PRKCZ: variants seen among roughly 807,000 people sequenced by gnomAD.
PRKCZ encodes protein kinase C zeta, also known as protein kinase C zeta type.
In PRKCZ, 33 loss-of-function variants were observed where a neutral mutation model predicts 79.5. That is an observed-to-expected ratio of 0.41 (90% CI 0.31 to 0.55). The LOEUF is 0.55. PRKCZ is among the 20% of genes least tolerant of loss of function. PRKCZ has a pLI of 0.19. For synonymous variants in PRKCZ, 342 were observed against 320.9 expected, an observed-to-expected ratio of 1.07 and a Z score of -0.70; for missense variants, 578 against 813.5, an observed-to-expected ratio of 0.71 and a Z score of 3.52.
chr1:2,124,387 G>A (rs560503169), intron 4 of PRKCZ, among the ~76,000 whole-genome samples: 2,444 of 120,236 alleles, frequency 0.02, 573 homozygotes, highest in Middle Eastern at 0.058. Context: ...TTAGGGTCAC[G>A]GCGGTGGTTA....
At chr1:2,073,064 C>T (rs994778748) in intron 4 of PRKCZ, among the ~76,000 whole-genome samples, 4 of 152,144 alleles carry the variant, frequency 2.6e-5, no homozygotes, top group Admixed American at 6.5e-5. Context: ...GGCCACCCAG[C>T]GGCGGTGGCG....
Position 2,174,837 on chromosome 1 carries a change from C to T in PRKCZ, c.1485+4C>T, listed in dbSNP as rs746890838. 6.2e-6 allele frequency: 10 copies of T among 1,612,942 alleles called. No homozygotes were observed. In the Admixed American group the frequency reaches 6.7e-5, roughly 11 times the overall value. ...TTTAAAAGGATTTTTAAATAAGGTA[C>T]GTTTCTGGCCATGCTGACAAAATCT... On this transcript the variant is annotated splice_donor_region_variant and intron_variant, in intron 15 of 17. Transcript: ENST00000378567. The surrounding 1 kb of genome is among the most constrained non-coding windows in gnomAD (Gnocchi z 6.2).
chr1:2,159,265 C>T (rs578139171), intron 10 of PRKCZ, among the ~76,000 whole-genome samples: 5 of 152,252 alleles, frequency 3.3e-5, no homozygotes, highest in Admixed American at 3.3e-4. Context: ...GCCACGCGTC[C>T]GGGTGGCGGA....
At chr1:2,079,628 C>T (rs1398835047) in intron 4 of PRKCZ, among the ~76,000 whole-genome samples, 1 of 152,266 alleles carries the variant, frequency 6.6e-6, no homozygotes, top group South Asian at 2.1e-4. Context: ...AGTAACTAAG[C>T]CACAACGCTG....
At chr1:2,166,941 G>A (rs1198157105) in intron 10 of PRKCZ, among the ~76,000 whole-genome samples, 1 of 152,260 alleles carries the variant, frequency 6.6e-6, no homozygotes, top group Non-Finnish European at 1.5e-5. Context: ...CCAGCGTGAG[G>A]AGAGGAGTGG....
Position 2,128,257 on chromosome 1 carries a change from C to G in PRKCZ, c.335-7005C>G, listed in dbSNP as rs1035584846. Reference sequence around the variant, plus strand: ...CACTGCCTTGCACCCATCCGGGCCCCGCAGGGCCGTCCTGTGGCACTGCTT... The same window carrying G: ...CACTGCCTTGCACCCATCCGGGCCCGGCAGGGCCGTCCTGTGGCACTGCTT... On this transcript the variant is annotated intron_variant, in intron 4 of 17. Coordinates refer to ENST00000378567, the MANE Select transcript of PRKCZ (RefSeq NM_002744.6). The surrounding 1 kb of genome is among the most constrained non-coding windows in gnomAD (Gnocchi z 6.5). 6.6e-6 allele frequency among the ~76,000 whole-genome samples: 1 copy of G among 152,192 alleles called. No individual in the cohort carries two copies. The highest frequency in any genetic ancestry group is 2.4e-5 in the African/African-American group (1 of 41,452).
chr1:2,178,274 A>T lies in PRKCZ; in HGVS notation c.1575+2961A>T, dbSNP rs1209099096. 1.3e-5 allele frequency among the ~76,000 whole-genome samples: 2 copies of T among 152,110 alleles called. No individual in the cohort carries two copies. Among genetic ancestry groups the T allele is most frequent in the Non-Finnish European group, 2.9e-5 (2 of 68,012 alleles). ...TCTGCCTGGTCTGCACATGTCATGG[A>T]AGTGGACCTGGGCACACCGCGGCCT... is the stretch of plus-strand genomic sequence containing the variant. On this transcript the variant is annotated intron_variant, in intron 16 of 17. Coordinates refer to ENST00000378567, the MANE Select transcript of PRKCZ (RefSeq NM_002744.6). This position sits in a 1 kb window ranked among gnomAD's most constrained non-coding sequence, Gnocchi z 4.3.
chr1:2,154,331 G>T (rs149991498), intron 9 of PRKCZ, among the ~76,000 whole-genome samples: 1 of 152,162 alleles, frequency 6.6e-6, no homozygotes, highest in Non-Finnish European at 1.5e-5. Context: ...AGCTCTCGGC[G>T]TGGAAAGATG....
intron 4 of PRKCZ, chr1:2,074,598 C>G: frequency 2.1e-6 from 1 of 479,730 alleles, no homozygotes; most frequent in Admixed American, 3.6e-5. Context: ...CTTTCCGTCT[C>G]GAGCCTGCCC....
intron 4 of PRKCZ, among the ~76,000 whole-genome samples, chr1:2,062,220 T>C (rs80027812): frequency 0.023 from 3,530 of 152,270 alleles, 131 homozygotes; most frequent in African/African-American, 0.081. Flanking sequence ...ACCCAAAATA[T>C]ATTCAAAAAG....
intron 4 of PRKCZ, among the ~76,000 whole-genome samples, chr1:2,131,324 G>T (rs1183302018): frequency 6.6e-6 from 1 of 152,142 alleles, no homozygotes; most frequent in Admixed American, 6.6e-5. Flanking sequence ...TGATTTGAAG[G>T]CCGGGCACAG....
chr1:2,072,501 A>G (rs984021840), intron 4 of PRKCZ, among the ~76,000 whole-genome samples: 3 of 152,114 alleles, frequency 2.0e-5, no homozygotes, highest in Admixed American at 6.5e-5. Flanking sequence ...TGTGGTTTCC[A>G]TGGGAAAGGT....
intron 4 of PRKCZ, among the ~76,000 whole-genome samples, chr1:2,068,882 G>C (rs1286768613): frequency 6.6e-6 from 1 of 152,184 alleles, no homozygotes; most frequent in Non-Finnish European, 1.5e-5. Context: ...AGGTTCTTCT[G>C]GCTGGGACAG....
intron 4 of PRKCZ, among the ~76,000 whole-genome samples, chr1:2,124,858 G>T (rs567904130): frequency 4.6e-5 from 7 of 152,100 alleles, no homozygotes; most frequent in African/African-American, 1.7e-4. Context: ...GTCTGGTCTC[G>T]GATGCCTCCA....
chr1:2,105,196 A>T (rs1164741292), intron 4 of PRKCZ, among the ~76,000 whole-genome samples: 1 of 152,204 alleles, frequency 6.6e-6, no homozygotes, highest in Non-Finnish European at 1.5e-5. Flanking sequence ...GTCAGGAGAC[A>T]GCTCTTGCGC....
intron 4 of PRKCZ, chr1:2,111,509 G>C (rs1039263203): frequency 6.6e-6 from 1 of 152,450 alleles, no homozygotes; most frequent in African/African-American, 2.4e-5. Context: ...ACAGGGAGGG[G>C]CTGGGGTTAG....
At position 2,099,715 on chromosome 1, in the gene PRKCZ, C is replaced by G. The variant is rs181720923; in HGVS notation, c.335-35547C>G. Among the ~76,000 whole-genome samples, 548 of 152,226 alleles carry G rather than the reference C, an allele frequency of 3.6e-3. 6 individuals carry two copies. The highest frequency in any genetic ancestry group is 0.013 in the African/African-American group (530 of 41,540). On this transcript the variant is annotated intron_variant, in intron 4 of 17. Coordinates refer to ENST00000378567, the MANE Select transcript of PRKCZ (RefSeq NM_002744.6). ...GTGGAGGTGAGGGTCGGGTGAGGGC[C>G]CCTCGGGAGCCCCTGGCCATGTTAG...
Position 2,056,532 on chromosome 1 carries a change from G to A in PRKCZ, c.242G>A (p.Arg81His), listed in dbSNP as rs780965673. The change falls in exon 3 of 18, where the codon CGC becomes CAC. Residue 81 changes from arginine to histidine, a missense_variant. Coordinates refer to ENST00000378567, the MANE Select transcript of PRKCZ (RefSeq NM_002744.6). ...CAGATGGAGCTGGAAGAGGCTTTCC[G>A]CCTGGCCCGTCAGTGCAGGGATGAA... ...SSQMELEEAFRLARQCRDEGL... is the reference protein window; with the variant it reads ...SSQMELEEAFHLARQCRDEGL... 3.5e-5 allele frequency: 57 copies of A among 1,613,826 alleles called. No individual in the cohort carries two copies. The highest frequency in any genetic ancestry group is 4.7e-5 in the Non-Finnish European group (55 of 1,179,958).
Position 2,144,627 on chromosome 1 carries a change from T to C in PRKCZ, c.552+286T>C, listed in dbSNP as rs1678116015. 5 of 1,239,700 alleles carry C rather than the reference T, an allele frequency of 4.0e-6. No homozygotes were observed. The Admixed American group carries it at 1.1e-4, about 27-fold the overall frequency. 76.8% of individuals were successfully genotyped at this position (1,239,700 alleles called of 1,614,324 possible). A position where few individuals can be genotyped will look rare whatever the true frequency, so the allele number is the denominator to read the frequency against. On this transcript the variant is annotated intron_variant, in intron 6 of 17. Transcript: ENST00000378567. ...CTGCTCAGTGGGTCGGAGGTAAGGT[T>C]CATTCATACCCCAGTCTTGAACCAG... is the stretch of plus-strand genomic sequence containing the variant.
Sources: gnomAD v4.1 joint callset for allele counts (sites outside exome capture counted in the v4.1 genomes callset) on GRCh38, gnomAD v4.1.1 for gene constraint, Gnocchi (gnomAD v3.1) non-coding constraint, MANE v1.5 for transcripts, NCBI Gene and HGNC (gene_info 2026-07-23, HGNC 2026-07-21) for gene names.